Variants in POGZ observed in about 807,000 individuals in gnomAD.
POGZ encodes pogo transposable element derived with ZNF domain.
In POGZ, 17 loss-of-function variants were observed where a neutral mutation model predicts 134.6. That is an observed-to-expected ratio of 0.13 (90% CI 0.09 to 0.19). The LOEUF (loss-of-function observed/expected upper bound fraction) is 0.19, where lower values mean the gene tolerates loss of function less well. POGZ is among the 10% of genes least tolerant of loss of function. POGZ has a pLI of 1.00. For missense variants in POGZ, 1,306 were observed against 1,769.7 expected (o/e 0.74, Z 4.70); for synonymous variants, 693 against 657.1 (o/e 1.05, Z -0.84).
Position 151,423,401 on chromosome 1 carries a change from A to T in POGZ, c.1674T>A (p.Ser558=). 1 of 1,613,924 alleles carries T rather than the reference A, an allele frequency of 6.2e-7. No individual in the cohort carries two copies. The highest frequency in any genetic ancestry group is 8.5e-7 in the Non-Finnish European group (1 of 1,179,776). The change falls in exon 10 of 19, where the codon TCT becomes TCA. Residue 558 remains serine, a synonymous_variant. Transcript: ENST00000271715. ...TTTAAGAGTTTCCAAACTTACTAGT[A>T]GATTCATAGGGACTATGAACATTTT... The part of the protein sequence containing the change: ...HLENVHSPYE[S]TTKCKICEWA...
At chr1:151,458,849 G>GCGGC (rs1490988813) in intron 1 of POGZ, among the ~76,000 whole-genome samples, 1 of 145,568 alleles carries the variant, frequency 6.9e-6, no homozygotes. Context: ...GGGGGCGGGG[G>GCGGC]CGGCCGGCCA....
chr1:151,418,785 G>A (rs1045941620), intron 10 of POGZ, among the ~76,000 whole-genome samples: 1 of 151,504 alleles, frequency 6.6e-6, no homozygotes, highest in African/African-American at 2.4e-5. Context: ...TAGCACTTTG[G>A]GAAGCTAAGG....
In POGZ at chr1:151,424,085, T is replaced by G. The variant is rs1486748607; in HGVS notation, c.1387A>C (p.Thr463Pro). 3 of 1,614,052 alleles carry G rather than the reference T, an allele frequency of 1.9e-6. No homozygotes were observed. Among genetic ancestry groups the G allele is most frequent in the Non-Finnish European group, 2.5e-6 (3 of 1,180,026 alleles). The part of the protein sequence containing the change: ...PNENVGDAVQ[T>P]KLIMLVDDFY... ...TCATCTACAAGCATAATGAGTTTGGTCTGGACGGCATCGCCCACGTTCTCA... is the reference window on the plus strand; with the variant it reads ...TCATCTACAAGCATAATGAGTTTGGGCTGGACGGCATCGCCCACGTTCTCA... The change falls in exon 9 of 19, where the codon ACC (threonine) becomes CCC (proline). Residue 463 changes from threonine (T) to proline (P), a missense_variant. Around this residue, in one of 10 missense-constraint regions of POGZ, gnomAD observed 541 missense variants for 680.5 expected, o/e 0.80. Transcript: ENST00000271715.
chr1:151,458,343 AT>A (rs1420933256), intron 1 of POGZ, among the ~76,000 whole-genome samples: 1 of 152,086 alleles, frequency 6.6e-6, no homozygotes, highest in East Asian at 1.9e-4. Flanking sequence ...GAAAATAAAG[AT>A]TCCCCGCCTC....
chr1:151,439,111 A>C (rs1381099544), intron 3 of POGZ: 2 of 152,178 alleles, frequency 1.3e-5, no homozygotes, highest in African/African-American at 4.8e-5. Flanking sequence ...AAAGAAATAC[A>C]CAGGAAAGCA....
chr1:151,416,230 A>AAAAAAAAG (rs1655647004), intron 10 of POGZ, among the ~76,000 whole-genome samples: 1 of 147,818 alleles, frequency 6.8e-6, no homozygotes, highest in Non-Finnish European at 1.5e-5. Flanking sequence ...AAAAAAAAAA[A>AAAAAAAAG]AAAAAGAAAA....
chr1:151,423,727 G>A (rs1280314494), intron 9 of POGZ, among the ~76,000 whole-genome samples, 176 bp from the exon 10 acceptor site: 2 of 152,100 alleles, frequency 1.3e-5, no homozygotes, highest in Non-Finnish European at 2.9e-5. Flanking sequence ...AACTAAGAGA[G>A]TTCTGGGAAA....
At chr1:151,419,024 C>CA (rs71090164) in intron 10 of POGZ, among the ~76,000 whole-genome samples, 10,556 of 51,718 alleles carry the variant, frequency 0.2, 1,031 homozygotes, top group East Asian at 0.49. Context: ...AGCTCTGTCT[C>CA]AAAAAAAAAA....
Position 151,404,705 on chromosome 1 carries a change from C to A in POGZ, c.*97G>T. Reference sequence around the variant, plus strand: ...TGGTATAAAATTAAAAAATAGAAACCAAATACCCCACCTGGTATGCCCCCT... The same window carrying A: ...TGGTATAAAATTAAAAAATAGAAACAAAATACCCCACCTGGTATGCCCCCT... On this transcript the variant is annotated 3_prime_UTR_variant, in exon 19 of 19. Coordinates refer to ENST00000271715, the MANE Select transcript of POGZ (RefSeq NM_015100.4). The A allele has an allele frequency of 6.9e-7, 1 of 1,452,048 alleles. No homozygotes were observed. The highest frequency in any genetic ancestry group is 9.1e-7 in the Non-Finnish European group (1 of 1,104,308). 89.9% of individuals were successfully genotyped at this position (1,452,048 alleles called of 1,614,324 possible).
In POGZ at chr1:151,448,391, T is replaced by C. The variant is rs977747743; in HGVS notation, c.-1-6186A>G. ...CTTCGGGAGGCTGAGGTGAGAGGAT[T>C]ACCTGAGTTCAGGAGTTCGAGACCA... On this transcript the variant is annotated intron_variant, in intron 1 of 18. Transcript: ENST00000271715. 3.9e-5 allele frequency among the ~76,000 whole-genome samples: 6 copies of C among 152,078 alleles called. No individual in the cohort carries two copies. The South Asian group carries it at 1.2e-3, about 32-fold the overall frequency.
At chr1:151,419,071 C>G (rs1370990184) in intron 10 of POGZ, among the ~76,000 whole-genome samples, 1 of 147,494 alleles carries the variant, frequency 6.8e-6, no homozygotes, top group South Asian at 2.2e-4. Flanking sequence ...AAGTTACTTT[C>G]GACCGGGCAT....
chr1:151,442,241 A>C, intron 1 of POGZ, 36 bp from the exon 2 acceptor site: 1 of 1,592,734 alleles, frequency 6.3e-7, no homozygotes, highest in Non-Finnish European at 8.6e-7. Flanking sequence ...TATGGGCCTA[A>C]GAATAGGAGA....
Position 151,404,900 on chromosome 1 carries a change from T to A in POGZ, c.4135A>T (p.Ile1379Phe). The change falls in exon 19 of 19, where the codon ATT (isoleucine) becomes TTT (phenylalanine). Residue 1379 changes from isoleucine (I) to phenylalanine (F), a missense_variant. Physicochemically the swap from Ile to Phe is conservative, Grantham distance 21. This residue lies in a region of POGZ where 107 missense variants were observed against 97.9 expected (regional missense o/e 1.09). Coordinates refer to ENST00000271715, the MANE Select transcript of POGZ (RefSeq NM_015100.4). ...AGCTGGTGAAGACTTTCAGGCTCAA[T>A]TGTCTCTTCAGGAGATGATCTGGGT... ...PRPRSSPEET[I>F]EPESLHQLFE... 3.1e-6 allele frequency: 5 copies of A among 1,614,172 alleles called. No individual in the cohort carries two copies. The highest frequency in any genetic ancestry group is 4.2e-6 in the Non-Finnish European group (5 of 1,180,040).
intron 10 of POGZ, among the ~76,000 whole-genome samples, chr1:151,420,525 G>C (rs1656707033): frequency 6.6e-6 from 1 of 152,062 alleles, no homozygotes. Flanking sequence ...ATGCTGCCCA[G>C]GCTGGTCTTG....
intron 1 of POGZ, among the ~76,000 whole-genome samples, chr1:151,445,175 G>A (rs1661090830): frequency 6.6e-6 from 1 of 152,084 alleles, no homozygotes; most frequent in Non-Finnish European, 1.5e-5. Context: ...TTCTCCTTAG[G>A]TATGAGTACT....
intron 1 of POGZ, among the ~76,000 whole-genome samples, chr1:151,451,997 T>C (rs1002795984): frequency 6.8e-6 from 1 of 146,576 alleles, no homozygotes; most frequent in Non-Finnish European, 1.5e-5. Flanking sequence ...CTCAGGAGGC[T>C]GAGACAGGAG....
At chr1:151,417,688 C>CCACACACACACA (rs59753677) in intron 10 of POGZ, among the ~76,000 whole-genome samples, 18 of 137,462 alleles carry the variant, frequency 1.3e-4, no homozygotes, top group African/African-American at 3.8e-4. Flanking sequence ...GGTACTGTGG[C>CCACACACACACA]CACACACACA....
At chr1:151,452,443 T>G (rs72633639) in intron 1 of POGZ, among the ~76,000 whole-genome samples, 11,415 of 151,914 alleles carry the variant, frequency 0.075, 1,273 homozygotes, top group East Asian at 0.43. Flanking sequence ...CTCAACCTCC[T>G]GGGCTCAGGT....
At chr1:151,451,687 T>G (rs1662106966) in intron 1 of POGZ, among the ~76,000 whole-genome samples, 1 of 151,912 alleles carries the variant, frequency 6.6e-6, no homozygotes, top group South Asian at 2.1e-4. Flanking sequence ...AAGAACAAAT[T>G]AAGTATCACC....
Sources: gnomAD v4.1 joint callset for allele counts (sites outside exome capture counted in the v4.1 genomes callset) on GRCh38, gnomAD v4.1.1 for gene constraint, gnomAD v4.1.1 regional missense constraint, MANE v1.5 for transcripts, NCBI Gene and HGNC (gene_info 2026-07-23, HGNC 2026-07-21) for gene names.